The following VTI1A variants were observed in gnomAD, a reference collection of about 807,000 sequenced individuals.
VTI1A encodes the protein vesicle transport through interaction with t-SNAREs homolog 1A.
VTI1A carries 22 observed loss-of-function variants against 34.9 expected under a neutral mutation model. That is an observed-to-expected ratio of 0.63 (90% CI 0.45 to 0.90). The LOEUF is 0.90. VTI1A is among the 40% of genes least tolerant of loss of function. The pLI, the probability that VTI1A is intolerant of heterozygous loss-of-function variation, is 0.00. For missense variants in VTI1A, 268 were observed against 275.6 expected (o/e 0.97, Z 0.20); for synonymous variants, 87 against 97.3 (o/e 0.89, Z 0.62).
chr10:112,781,491 G>C (rs1852126704), intron 7 of VTI1A, among the ~76,000 whole-genome samples: 1 of 152,082 alleles, frequency 6.6e-6, no homozygotes, highest in Non-Finnish European at 1.5e-5. Flanking sequence ...GCCTGAGGTG[G>C]GATTCCTCTA....
At chr10:112,589,436 T>G (rs566503549) in intron 5 of VTI1A, among the ~76,000 whole-genome samples, 1 of 121,298 alleles carries the variant, frequency 8.2e-6, no homozygotes, top group African/African-American at 3.2e-5. Context: ...AACTGTAAGT[T>G]CCACCCAGCC....
chr10:112,815,634 CT>C lies in VTI1A; in HGVS notation c.*256del. ...GAGGGGAAGGTGAATGTTTATTTAC[CT>C]TTTTGCTAATGTCATCAACTAGCCA... On this transcript the variant is annotated 3_prime_UTR_variant, in exon 8 of 8. Transcript: ENST00000393077. 1 of 505,876 alleles carries C rather than the reference CT, an allele frequency of 2.0e-6. No homozygotes were observed. The highest frequency in any genetic ancestry group is 3.4e-5 in the East Asian group (1 of 29,630). The allele number at this position is 505,876 out of a possible 1,614,324, so 31.3% of individuals were successfully genotyped here.
At chr10:112,763,465 G>T (rs1052178965) in intron 7 of VTI1A, among the ~76,000 whole-genome samples, 17 of 151,168 alleles carry the variant, frequency 1.1e-4, no homozygotes, top group African/African-American at 3.9e-4. Flanking sequence ...GGTACCACTG[G>T]CCTTTGTTAC....
intron 7 of VTI1A, among the ~76,000 whole-genome samples, chr10:112,675,450 G>A (rs978189697): frequency 2.0e-5 from 3 of 152,160 alleles, no homozygotes; most frequent in African/African-American, 7.2e-5. Flanking sequence ...GTTCCTGAAA[G>A]CAATGAACAA....
intron 1 of VTI1A, among the ~76,000 whole-genome samples, chr10:112,454,911 A>G (rs1431538527): frequency 6.6e-6 from 1 of 152,058 alleles, no homozygotes; most frequent in African/African-American, 2.4e-5. Flanking sequence ...AAGGGATAGT[A>G]ATAATACCTC....
At chr10:112,541,711 CA>C (rs1357257142) in intron 5 of VTI1A, among the ~76,000 whole-genome samples, 1 of 152,160 alleles carries the variant, frequency 6.6e-6, no homozygotes, top group East Asian at 1.9e-4. Context: ...GTCATATAGG[CA>C]GTCATTGTCT....
chr10:112,695,028 A>G (rs1848732958), intron 7 of VTI1A, among the ~76,000 whole-genome samples: 1 of 152,190 alleles, frequency 6.6e-6, no homozygotes, highest in Non-Finnish European at 1.5e-5. Context: ...ACTGAAAGGT[A>G]TAAATTCATC....
chr10:112,546,204 TACAC>T (rs140142571), intron 5 of VTI1A, among the ~76,000 whole-genome samples: 9 of 136,256 alleles, frequency 6.6e-5, no homozygotes, highest in African/African-American at 1.4e-4. Flanking sequence ...TATATATGCA[TACAC>T]ACACACACAC....
intron 3 of VTI1A, among the ~76,000 whole-genome samples, chr10:112,490,700 A>G (rs893944457): frequency 6.6e-6 from 1 of 151,628 alleles, no homozygotes; most frequent in South Asian, 2.1e-4. Flanking sequence ...GCAGGATGAC[A>G]TGCCTCTTAG....
rs1337172272 is a variant in VTI1A, at chr10:112,464,536, C to T, written c.154-11C>T. 2 of 1,604,862 alleles carry T rather than the reference C, an allele frequency of 1.2e-6. No individual in the cohort carries two copies. Among genetic ancestry groups the T allele is most frequent in the East Asian group, 4.5e-5 (2 of 44,186 alleles). On this transcript the variant is annotated splice_polypyrimidine_tract_variant and intron_variant, in intron 2 of 7. Transcript: ENST00000393077. ...TGTGTTTTAAATCACATTTTTCTTT[C>T]CCTCTTCTAGCTTGAACAGATGGAT...
intron 3 of VTI1A, among the ~76,000 whole-genome samples, chr10:112,471,613 A>C (rs1037139293): frequency 3.9e-5 from 6 of 152,000 alleles, no homozygotes. Context: ...AATCCTTTGC[A>C]ACCTGCCCGC....
chr10:112,693,241 T>C (rs1848665344), intron 7 of VTI1A, among the ~76,000 whole-genome samples: 1 of 152,212 alleles, frequency 6.6e-6, no homozygotes, highest in Non-Finnish European at 1.5e-5. Context: ...AATTTGTAAA[T>C]AATTCTTTAA....
intron 3 of VTI1A, among the ~76,000 whole-genome samples, chr10:112,484,403 C>G (rs1410099861): frequency 1.3e-5 from 2 of 152,198 alleles, no homozygotes; most frequent in African/African-American, 2.4e-5. Context: ...ATATTGGGCT[C>G]AACTTAATCT....
Position 112,447,388 on chromosome 10 carries a change from C to A in VTI1A, c.15C>A (p.Phe5Leu), listed in dbSNP as rs373573273. 1 of 1,613,516 alleles carries A rather than the reference C, an allele frequency of 6.2e-7. No individual in the cohort carries two copies. The highest frequency in any genetic ancestry group is 8.5e-7 in the Non-Finnish European group (1 of 1,179,930). MSSD[F>L]EGYEQDFAVL... ...CCGGAGCCGCCATGTCGTCCGACTT[C>A]GAAGGTTACGAGCAGGACTTCGCGG... The change falls in exon 1 of 8, where the codon TTC becomes TTA. Residue 5 changes from phenylalanine to leucine, a missense_variant. Coordinates refer to ENST00000393077, the MANE Select transcript of VTI1A (RefSeq NM_145206.4).
chr10:112,736,107 G>GTATATATATATATATATATATATA (rs1468293852), intron 7 of VTI1A, among the ~76,000 whole-genome samples: 1 of 100,878 alleles, frequency 9.9e-6, no homozygotes, highest in African/African-American at 4.9e-5. Flanking sequence ...ATATATGTGT[G>GTATATATATATATATATATATATA]TGTGTATATA....
chr10:112,851,242 C>T, the VTI1A span, among the ~76,000 whole-genome samples: 1 of 152,160 alleles, frequency 6.6e-6, no homozygotes, highest in Non-Finnish European at 1.5e-5. Context: ...AGAGCCTGGG[C>T]CACATGCATT....
chr10:112,496,736 T>G (rs1429460809), intron 3 of VTI1A, among the ~76,000 whole-genome samples: 1 of 152,238 alleles, frequency 6.6e-6, no homozygotes, highest in Admixed American at 6.5e-5. Flanking sequence ...TTTCAGTCAG[T>G]GTGAACCTGA....
chr10:112,458,931 G>T (rs1847637065), intron 1 of VTI1A, among the ~76,000 whole-genome samples: 1 of 152,106 alleles, frequency 6.6e-6, no homozygotes, highest in African/African-American at 2.4e-5. Flanking sequence ...CTCCCAAAGT[G>T]CTGAGGTTAC....
chr10:112,546,062 ATGTGTGTG>A (rs59445914), intron 5 of VTI1A, among the ~76,000 whole-genome samples: 5 of 130,106 alleles, frequency 3.8e-5, no homozygotes, highest in African/African-American at 1.8e-4. Context: ...GTATACGCGT[ATGTGTGTG>A]TATATACGTG....
Sources: gnomAD v4.1 joint callset for allele counts (sites outside exome capture counted in the v4.1 genomes callset) on GRCh38, gnomAD v4.1.1 for gene constraint, MANE v1.5 for transcripts, NCBI Gene and HGNC (gene_info 2026-07-23, HGNC 2026-07-21) for gene names.